PPFIA2: variants seen among roughly 807,000 people sequenced by gnomAD.
PPFIA2 encodes liprin-alpha-2.
In PPFIA2, 46 loss-of-function variants were observed where a neutral mutation model predicts 175.5. The observed-to-expected ratio is 0.26, with a 90% CI of 0.21 to 0.34. The LOEUF (loss-of-function observed/expected upper bound fraction) is 0.34. Ranked by LOEUF, PPFIA2 falls within the 10% of genes least tolerant of loss-of-function variation. The pLI, the probability that PPFIA2 is intolerant of heterozygous loss-of-function variation, is 1.00. For synonymous variants in PPFIA2, 568 were observed against 511.4 expected (o/e 1.11, Z -1.49); for missense variants, 1,179 against 1,506.1 (o/e 0.78, Z 3.60).
At position 81,306,686 on chromosome 12, in the gene PPFIA2, A is replaced by G. The variant is rs11114819; in HGVS notation, c.2643-7304T>C. ...CTCCTGAGTAGCTGTGATTATAGGC[A>G]CGTGCCACCATGCCTGGCTAAATTT... On this transcript the variant is annotated intron_variant, in intron 22 of 32. Transcript: ENST00000549396. 5.3e-3 allele frequency among the ~76,000 whole-genome samples: 798 copies of G among 151,480 alleles called. 2 individuals are homozygous for G. Among genetic ancestry groups the G allele is most frequent in the Admixed American group, 8.3e-3 (126 of 15,190 alleles).
chr12:81,282,442 A>G (rs1305096764), intron 26 of PPFIA2, among the ~76,000 whole-genome samples: 4 of 152,124 alleles, frequency 2.6e-5, no homozygotes, highest in Non-Finnish European at 5.9e-5. Flanking sequence ...ATATAACACA[A>G]ATTTTCTCTT....
At chr12:81,431,433 G>A (rs2048074554) in intron 7 of PPFIA2, 1 of 151,898 alleles carries the variant, frequency 6.6e-6, no homozygotes, top group Non-Finnish European at 1.5e-5. Context: ...CACTTTTTTA[G>A]GACAATGGCC....
chr12:81,377,556 A>G (rs900475367), intron 9 of PPFIA2, among the ~76,000 whole-genome samples: 4 of 144,650 alleles, frequency 2.8e-5, no homozygotes, highest in Non-Finnish European at 6.1e-5. Context: ...CCATTTCAAG[A>G]AAAAAAAAAA....
intron 4 of PPFIA2, among the ~76,000 whole-genome samples, chr12:81,627,818 T>A (rs1411331496): frequency 6.6e-6 from 1 of 152,074 alleles, no homozygotes; most frequent in African/African-American, 2.4e-5. Context: ...AATGAAAACA[T>A]TGTATGTCTT....
chr12:81,527,264 A>G (rs572474286), intron 4 of PPFIA2, among the ~76,000 whole-genome samples: 50 of 152,112 alleles, frequency 3.3e-4, no homozygotes, highest in Non-Finnish European at 6.6e-4. Context: ...CATTCCCACC[A>G]TGCCACAATT....
At chr12:81,327,357 C>A (rs1469438038) in intron 21 of PPFIA2, among the ~76,000 whole-genome samples, 1 of 151,946 alleles carries the variant, frequency 6.6e-6, no homozygotes, top group Non-Finnish European at 1.5e-5. Context: ...GGAAAGCCTT[C>A]TACTGGTGAC....
At chr12:81,453,311 A>C (rs1368114391) in intron 5 of PPFIA2, among the ~76,000 whole-genome samples, 7 of 151,788 alleles carry the variant, frequency 4.6e-5, no homozygotes, top group Non-Finnish European at 1.0e-4. Flanking sequence ...TTCAGCTATA[A>C]AAATAGTTGA....
intron 4 of PPFIA2, among the ~76,000 whole-genome samples, chr12:81,461,902 T>C (rs1041668098): frequency 5.3e-5 from 8 of 152,080 alleles, no homozygotes; most frequent in African/African-American, 9.7e-5. Context: ...AACTGAATTA[T>C]GTGTTCGTCT....
chr12:81,328,729 C>A (rs9804989), intron 21 of PPFIA2, among the ~76,000 whole-genome samples: 142,427 of 152,026 alleles, frequency 0.94, 66,799 homozygotes, highest in Non-Finnish European at 0.96. Context: ...TAATGATTGG[C>A]ACATATTGGA....
At chr12:81,308,964 G>A (rs2050030155) in intron 22 of PPFIA2, among the ~76,000 whole-genome samples, 1 of 152,076 alleles carries the variant, frequency 6.6e-6, no homozygotes. Context: ...AGTACTTACT[G>A]ATAAAACCAG....
Position 81,422,647 on chromosome 12 carries a change from C to G in PPFIA2, c.646-16744G>C, listed in dbSNP as rs558125685. On this transcript the variant is annotated intron_variant, in intron 7 of 32. Transcript: ENST00000549396. ...TCATACAGGAGCTCTTATAATAACC[C>G]TCAGATCTCATGAGACTTATTCACT... Among the ~76,000 whole-genome samples, 193 of 152,134 alleles carry G rather than the reference C, an allele frequency of 1.3e-3. 2 individuals carry two copies. The South Asian group carries it at 0.021, about 16-fold the overall frequency.
At position 81,730,113 on chromosome 12, in the gene PPFIA2, C is replaced by T. The variant is rs1047635479; in HGVS notation, c.249+23860G>A. Among the ~76,000 whole-genome samples, 6 of 151,706 alleles carry T rather than the reference C, an allele frequency of 4.0e-5. 1 individual carries two copies. The highest frequency in any genetic ancestry group is 4.1e-4 in the South Asian group (2 of 4,828). ...TGTTAAGCCACTAAATTTGTGATCACGTGTTACAGCAGCAAAAGGAAAACT... is the reference window on the plus strand; with the variant it reads ...TGTTAAGCCACTAAATTTGTGATCATGTGTTACAGCAGCAAAAGGAAAACT... On this transcript the variant is annotated intron_variant, in intron 3 of 32. Coordinates refer to ENST00000549396, the MANE Select transcript of PPFIA2 (RefSeq NM_003625.5).
At position 81,347,656 on chromosome 12, in the gene PPFIA2, G is replaced by A; in HGVS notation, c.2109C>T (p.Ser703=). Residue 703 remains serine, a synonymous_variant, in exon 18 of 33, where the codon TCC becomes TCT. Coordinates refer to ENST00000549396, the MANE Select transcript of PPFIA2 (RefSeq NM_003625.5). ...ATGAAGCTGTAACAGAGGCAGTAAT[G>A]GAGGTACCTGGGTGGACCCTTGCCA... The part of the protein sequence containing the change: ...LNLARVHPGT[S]ITASVTASSL... 6.2e-7 allele frequency: 1 copy of A among 1,613,836 alleles called. No homozygotes were observed.
chr12:81,390,144 T>C (rs1329623479), intron 8 of PPFIA2, among the ~76,000 whole-genome samples: 1 of 152,082 alleles, frequency 6.6e-6, no homozygotes, highest in Non-Finnish European at 1.5e-5. Context: ...ATGAATAGTA[T>C]TCCATCATGG....
At chr12:81,413,838 G>A (rs1420253497) in intron 7 of PPFIA2, among the ~76,000 whole-genome samples, 1 of 150,890 alleles carries the variant, frequency 6.6e-6, no homozygotes, top group African/African-American at 2.5e-5. Flanking sequence ...GAAAAGCAAT[G>A]TAAATTGATT....
At chr12:81,493,793 T>C (rs1445579618) in intron 4 of PPFIA2, among the ~76,000 whole-genome samples, 1 of 129,936 alleles carries the variant, frequency 7.7e-6, no homozygotes, top group Admixed American at 7.6e-5. Context: ...TATATACACA[T>C]TGGAAAAAAT....
At chr12:81,383,674 A>G (rs2038287161) in intron 9 of PPFIA2, among the ~76,000 whole-genome samples, 1 of 152,192 alleles carries the variant, frequency 6.6e-6, no homozygotes, top group South Asian at 2.1e-4. Context: ...GCATTTTTGT[A>G]GTATTCCTAT....
intron 4 of PPFIA2, among the ~76,000 whole-genome samples, chr12:81,572,793 A>G (rs544662904): frequency 6.6e-6 from 1 of 152,050 alleles, no homozygotes; most frequent in South Asian, 2.1e-4. Context: ...GGCTGATTTC[A>G]GGTCTAAAGA....
chr12:81,364,517 AGGAGGACTACAGGT>A (rs1225700617), intron 14 of PPFIA2, among the ~76,000 whole-genome samples: 1 of 151,746 alleles, frequency 6.6e-6, no homozygotes, highest in African/African-American at 2.4e-5. Context: ...CCAAGTAGTT[AGGAGGACTACAGGT>A]GTGCACCACT....
Sources: gnomAD v4.1 joint callset for allele counts (sites outside exome capture counted in the v4.1 genomes callset) on GRCh38, gnomAD v4.1.1 for gene constraint, MANE v1.5 for transcripts, NCBI Gene and HGNC (gene_info 2026-07-23, HGNC 2026-07-21) for gene names.